DGKB: variants seen among roughly 807,000 people sequenced by gnomAD.
DGKB encodes 90 kDa diacylglycerol kinase.
DGKB carries 67 observed loss-of-function variants against 114.3 expected under a neutral mutation model. That is an observed-to-expected ratio of 0.59 (90% CI 0.48 to 0.72). The LOEUF is 0.72. Ranked by LOEUF, DGKB falls within the 30% of genes least tolerant of loss-of-function variation. The pLI, the probability that DGKB is intolerant of heterozygous loss-of-function variation, is 0.00. For missense variants in DGKB, 907 were observed against 975.2 expected (o/e 0.93, Z 0.93); for synonymous variants, 398 against 323.1 (o/e 1.23, Z -2.49).
intron 4 of DGKB, among the ~76,000 whole-genome samples, chr7:14,737,753 G>T (rs952853850): frequency 6.6e-6 from 1 of 151,978 alleles, no homozygotes; most frequent in African/African-American, 2.4e-5. Context: ...GCAGTAAAAA[G>T]ACTTCATTTT....
intron 2 of DGKB, among the ~76,000 whole-genome samples, chr7:14,765,410 C>T (rs149281756): frequency 2.1e-4 from 32 of 152,038 alleles, no homozygotes; most frequent in African/African-American, 7.0e-4. Context: ...TAGTTAATTC[C>T]AAAATGACTA....
At chr7:14,616,666 A>G (rs1806591945) in intron 15 of DGKB, among the ~76,000 whole-genome samples, 1 of 151,720 alleles carries the variant, frequency 6.6e-6, no homozygotes, top group Non-Finnish European at 1.5e-5. Context: ...AGCATATAGA[A>G]CAGATGACTT....
chr7:14,960,430 A>G (rs1175829708), intron 1 of DGKB, among the ~76,000 whole-genome samples: 1 of 152,004 alleles, frequency 6.6e-6, no homozygotes, highest in Non-Finnish European at 1.5e-5. Context: ...ACTACAGGCA[A>G]TCCTCTGACT....
At chr7:14,933,843 CCT>C (rs1785151804) in intron 1 of DGKB, among the ~76,000 whole-genome samples, 1 of 152,052 alleles carries the variant, frequency 6.6e-6, no homozygotes, top group Admixed American at 6.6e-5. Flanking sequence ...CCTAGAAGTT[CCT>C]CTGTTTGGTT....
At chr7:14,863,452 T>C (rs537482491) in intron 1 of DGKB, among the ~76,000 whole-genome samples, 2 of 151,784 alleles carry the variant, frequency 1.3e-5, no homozygotes, top group South Asian at 2.1e-4. Flanking sequence ...CAATACACTA[T>C]TTGGAAAATT....
chr7:14,516,518 T>A (rs1420930902), intron 20 of DGKB, among the ~76,000 whole-genome samples: 5 of 152,196 alleles, frequency 3.3e-5, no homozygotes, highest in Non-Finnish European at 7.3e-5. Context: ...AGAGGCACAC[T>A]GAAGAAGAGC....
intron 20 of DGKB, among the ~76,000 whole-genome samples, chr7:14,490,468 T>C (rs1784447654): frequency 2.0e-5 from 3 of 152,170 alleles, no homozygotes; most frequent in Admixed American, 2.0e-4. Context: ...AATAAACAAA[T>C]ACATTCTGAT....
chr7:14,418,926 G>C (rs979708638), intron 21 of DGKB, among the ~76,000 whole-genome samples: 1 of 151,794 alleles, frequency 6.6e-6, no homozygotes, highest in Admixed American at 6.6e-5. Flanking sequence ...CAGGAAATAA[G>C]GTTGCTTCTA....
intron 2 of DGKB, among the ~76,000 whole-genome samples, chr7:14,758,406 C>A (rs373954983): frequency 5.9e-5 from 9 of 151,828 alleles, no homozygotes; most frequent in African/African-American, 1.9e-4. Flanking sequence ...TACATTCAGT[C>A]TACTAAAATA....
rs532572248 is a variant in DGKB at position 14,831,424 on chromosome 7, G to A, written c.70+9770C>T. On this transcript the variant is annotated intron_variant, in intron 2 of 25. Transcript: ENST00000402815. Reference sequence around the variant, plus strand: ...TCATTCCAAGGATGTTTTTGTAGTGGACAACCTTGGGAGACAGAGATTATA... The same window carrying A: ...TCATTCCAAGGATGTTTTTGTAGTGAACAACCTTGGGAGACAGAGATTATA... Among the ~76,000 whole-genome samples the A allele has an allele frequency of 6.4e-4, 97 of 152,018 alleles. 1 individual carries two copies. The highest frequency in any genetic ancestry group is 2.3e-3 in the African/African-American group (95 of 41,488).
Position 14,538,971 on chromosome 7 carries a change from C to T in DGKB, c.1770+35241G>A, listed in dbSNP as rs552343655. On this transcript the variant is annotated intron_variant, in intron 20 of 25. Coordinates refer to ENST00000402815, the MANE Select transcript of DGKB (RefSeq NM_001350709.2). ...TAGTAAAATGGTAGTTACCAAGCAA[C>T]GGTGGAGGTGGGATATGGGGAGCTG... 8.5e-5 allele frequency among the ~76,000 whole-genome samples: 13 copies of T among 152,070 alleles called. No individual in the cohort carries two copies. In the East Asian group the frequency reaches 2.5e-3, roughly 29 times the overall value.
chr7:14,837,033 C>T (rs1024177446), intron 2 of DGKB, among the ~76,000 whole-genome samples: 3 of 152,134 alleles, frequency 2.0e-5, no homozygotes, highest in African/African-American at 4.8e-5. Flanking sequence ...CCAGGCACGG[C>T]TCTCATTACT....
At chr7:14,817,447 A>G (rs1476745941) in intron 2 of DGKB, among the ~76,000 whole-genome samples, 3 of 152,224 alleles carry the variant, frequency 2.0e-5, no homozygotes, top group Non-Finnish European at 4.4e-5. Flanking sequence ...AAAATCAAAC[A>G]AAACCAAATA....
intron 2 of DGKB, among the ~76,000 whole-genome samples, chr7:14,837,111 A>AT (rs373183564): frequency 2.6e-5 from 4 of 152,208 alleles, no homozygotes; most frequent in South Asian, 2.1e-4. Context: ...CACTGGACAT[A>AT]TTTTTTTCCA....
At chr7:14,246,178 G>A (rs1794450200) in intron 23 of DGKB, among the ~76,000 whole-genome samples, 1 of 151,918 alleles carries the variant, frequency 6.6e-6, no homozygotes, top group African/African-American at 2.4e-5. Flanking sequence ...GCTTGAATGG[G>A]TTTTCTTTAT....
At chr7:14,607,745 G>C (rs1352879717) in intron 16 of DGKB, among the ~76,000 whole-genome samples, 1 of 151,904 alleles carries the variant, frequency 6.6e-6, no homozygotes, top group African/African-American at 2.4e-5. Context: ...TCATAAGTTA[G>C]AAATATTGCT....
chr7:14,701,334 G>C (rs1489808221), intron 7 of DGKB, among the ~76,000 whole-genome samples: 1 of 152,140 alleles, frequency 6.6e-6, no homozygotes, highest in Non-Finnish European at 1.5e-5. Flanking sequence ...AATGCCAAAT[G>C]TTACAGATAG....
intron 23 of DGKB, among the ~76,000 whole-genome samples, chr7:14,178,482 A>T (rs986433466): frequency 7.9e-5 from 12 of 151,938 alleles, no homozygotes; most frequent in African/African-American, 2.9e-4. Flanking sequence ...GTATATAAGG[A>T]CCATTTATAC....
chr7:14,705,779 AC>A (rs1314463131), intron 6 of DGKB, among the ~76,000 whole-genome samples: 2 of 152,050 alleles, frequency 1.3e-5, no homozygotes, highest in Non-Finnish European at 2.9e-5. Context: ...AGATTTTGTC[AC>A]CACCAGACCT....
Sources: gnomAD v4.1 joint callset for allele counts (sites outside exome capture counted in the v4.1 genomes callset) on GRCh38, gnomAD v4.1.1 for gene constraint, MANE v1.5 for transcripts, NCBI Gene and HGNC (gene_info 2026-07-23, HGNC 2026-07-21) for gene names.